Variants in RAD51B observed in about 807,000 individuals in gnomAD.
RAD51B encodes RAD51 paralog B, also known as DNA repair protein RAD51 homolog 2.
RAD51B carries 38 observed loss-of-function variants against 42.2 expected under a neutral mutation model. That is an observed-to-expected ratio of 0.90 (90% CI 0.70 to 1.18). The LOEUF is 1.18. Ranked by LOEUF, RAD51B falls within the 50% of genes most tolerant of loss-of-function variation. The pLI, the probability that RAD51B is intolerant of heterozygous loss-of-function variation, is 0.00. For missense variants in RAD51B, 373 were observed against 400.7 expected, an observed-to-expected ratio of 0.93 and a Z score of 0.59; for synonymous variants, 154 against 145.2, an observed-to-expected ratio of 1.06 and a Z score of -0.43.
At chr14:68,189,768 C>G (rs1466473221) in intron 7 of RAD51B, among the ~76,000 whole-genome samples, 1 of 152,020 alleles carries the variant, frequency 6.6e-6, no homozygotes, top group African/African-American at 2.4e-5. Flanking sequence ...AGGGTTCAAG[C>G]AATTCTCCTG....
intron 7 of RAD51B, among the ~76,000 whole-genome samples, chr14:68,285,428 C>G (rs778094547): frequency 6.6e-6 from 1 of 152,206 alleles, no homozygotes; most frequent in Non-Finnish European, 1.5e-5. Flanking sequence ...GCCTTCAGAG[C>G]TGATGAAAGG....
chr14:68,086,560 T>G (rs1444362668), intron 7 of RAD51B, among the ~76,000 whole-genome samples: 1 of 152,080 alleles, frequency 6.6e-6, no homozygotes, highest in Non-Finnish European at 1.5e-5. Context: ...GCCCCCTTTC[T>G]GTATGGGATG....
intron 10 of RAD51B, among the ~76,000 whole-genome samples, chr14:68,499,584 G>A (rs1015568405): frequency 6.6e-6 from 1 of 152,130 alleles, no homozygotes; most frequent in South Asian, 2.1e-4. Flanking sequence ...TTGTATAAAC[G>A]GTCTTTGCAG....
intron 8 of RAD51B, chr14:68,386,999 C>T (rs1255410979): frequency 6.6e-6 from 1 of 152,148 alleles, no homozygotes; most frequent in African/African-American, 2.4e-5. Flanking sequence ...ACTGAAATAC[C>T]AAACTTATTT....
chr14:68,348,994 C>T (rs1414084512), intron 8 of RAD51B, among the ~76,000 whole-genome samples: 2 of 152,188 alleles, frequency 1.3e-5, no homozygotes, highest in Non-Finnish European at 2.9e-5. Flanking sequence ...ATCTCTGTTG[C>T]AGCTAAACAG....
At chr14:68,540,376 T>C (rs922023871) in intron 10 of RAD51B, 29 of 1,051,760 alleles carry the variant, frequency 2.8e-5, no homozygotes, top group Non-Finnish European at 3.2e-5. Flanking sequence ...TCCACTTACA[T>C]GAACCCTGAA....
At chr14:68,081,963 T>C (rs1756101135) in intron 7 of RAD51B, among the ~76,000 whole-genome samples, 1 of 152,192 alleles carries the variant, frequency 6.6e-6, no homozygotes, top group African/African-American at 2.4e-5. Context: ...TTTTTCTTTT[T>C]CTTTTTCTTT....
At chr14:68,657,487 C>T (rs1335692693) in intron 11 of RAD51B, among the ~76,000 whole-genome samples, 1 of 152,234 alleles carries the variant, frequency 6.6e-6, no homozygotes, top group Non-Finnish European at 1.5e-5. Flanking sequence ...GCCTCCCCAT[C>T]ATTAAATGTA....
intron 7 of RAD51B, among the ~76,000 whole-genome samples, chr14:67,902,856 C>CT (rs111245258): frequency 0.027 from 4,000 of 149,078 alleles, 171 homozygotes; most frequent in African/African-American, 0.092. Context: ...GAGAAAACTT[C>CT]TTTTTTTTTT....
intron 4 of RAD51B, among the ~76,000 whole-genome samples, chr14:67,845,410 G>A (rs2041577713): frequency 6.6e-6 from 1 of 152,198 alleles, no homozygotes; most frequent in Non-Finnish European, 1.5e-5. Context: ...GCTCACGCCT[G>A]TAATCCTAGC....
intron 7 of RAD51B, among the ~76,000 whole-genome samples, chr14:68,002,166 G>T (rs2075497186): frequency 6.6e-6 from 1 of 152,128 alleles, no homozygotes; most frequent in Non-Finnish European, 1.5e-5. Flanking sequence ...CCCACCAACA[G>T]TGTAAAAGTG....
intron 8 of RAD51B, among the ~76,000 whole-genome samples, chr14:68,378,064 C>G (rs2083407289): frequency 1.3e-5 from 2 of 152,092 alleles, no homozygotes; most frequent in Admixed American, 6.6e-5. Context: ...CAATTTTTCC[C>G]CTTTAAAAGG....
intron 7 of RAD51B, among the ~76,000 whole-genome samples, chr14:68,201,617 TACCTGTCAAGCG>T (rs1489213671): frequency 6.6e-6 from 1 of 152,184 alleles, no homozygotes; most frequent in Admixed American, 6.5e-5. Context: ...ATGTTTCTCC[TACCTGTCAAGCG>T]AAGATGCAGG....
intron 7 of RAD51B, among the ~76,000 whole-genome samples, chr14:68,161,086 A>G (rs1007369818): frequency 2.0e-5 from 3 of 152,136 alleles, no homozygotes; most frequent in Non-Finnish European, 4.4e-5. Flanking sequence ...GAAGCTCTTT[A>G]TAGGCCTATT....
At chr14:68,501,497 C>T (rs976828895) in intron 10 of RAD51B, among the ~76,000 whole-genome samples, 10 of 152,226 alleles carry the variant, frequency 6.6e-5, no homozygotes, top group Non-Finnish European at 1.3e-4. Context: ...TGTGCAAACT[C>T]GCTGACAGCT....
intron 5 of RAD51B, among the ~76,000 whole-genome samples, chr14:67,874,454 A>G (rs2042658445): frequency 6.6e-6 from 1 of 151,772 alleles, no homozygotes; most frequent in South Asian, 2.1e-4. Context: ...AGCTATCATT[A>G]GTGTTAGTGT....
At chr14:68,408,763 G>A (rs1196008547) in intron 8 of RAD51B, among the ~76,000 whole-genome samples, 1 of 152,128 alleles carries the variant, frequency 6.6e-6, no homozygotes, top group African/African-American at 2.4e-5. Flanking sequence ...ATCAAAAGAT[G>A]TGATTATAAA....
At chr14:67,989,899 A>G (rs1433624691) in intron 7 of RAD51B, among the ~76,000 whole-genome samples, 2 of 152,030 alleles carry the variant, frequency 1.3e-5, no homozygotes, top group African/African-American at 4.8e-5. Flanking sequence ...GAGAGTCCTT[A>G]AGAGTTTGAA....
In RAD51B at chr14:68,007,224, G is replaced by C. The variant is rs369750397; in HGVS notation, c.756+120020G>C. On this transcript the variant is annotated intron_variant, in intron 7 of 10. Coordinates refer to ENST00000471583, the MANE Select transcript of RAD51B (RefSeq NM_133510.4). The stretch of plus-strand genomic sequence containing the variant: ...TTATGCTTATTTTCTTTTATGTATG[G>C]TCAAATAATATTTCAGTGTATGGAT... Among the ~76,000 whole-genome samples the C allele has an allele frequency of 2.6e-4, 40 of 152,138 alleles. 1 individual carries two copies. In the South Asian group the frequency reaches 6.4e-3, roughly 24 times the overall value.
Sources: allele counts gnomAD v4.1 joint callset (sites outside exome capture counted in the v4.1 genomes callset), GRCh38; gene constraint gnomAD v4.1.1; transcripts MANE v1.5; gene names NCBI Gene and HGNC (gene_info 2026-07-23, HGNC 2026-07-21).